The following RMND1 variants were observed in gnomAD, a reference collection of about 807,000 sequenced individuals.
RMND1 encodes the protein required for meiotic nuclear division protein 1 homolog.
In RMND1, 41 loss-of-function variants were observed where a neutral mutation model predicts 54.0. The observed-to-expected ratio is 0.76, with a 90% CI of 0.59 to 0.98. The LOEUF is 0.98. Ranked by LOEUF, RMND1 falls within the 50% of genes least tolerant of loss-of-function variation. The probability of loss-of-function intolerance (pLI) is 0.00; values close to 1 mark genes in which losing one functional copy is unlikely to be tolerated. For missense variants in RMND1, 457 were observed against 532.0 expected (o/e 0.86, Z 1.39); for synonymous variants, 183 against 181.7 (o/e 1.01, Z -0.06).
At chr6:151,418,771 T>C (rs922693823) in intron 9 of RMND1, among the ~76,000 whole-genome samples, 9 of 152,184 alleles carry the variant, frequency 5.9e-5, no homozygotes, top group Non-Finnish European at 5.9e-5. Context: ...AAGAAGTCTG[T>C]GCTTACTTTT....
chr6:151,421,378 C>T (rs1780146968), intron 8 of RMND1, 57 bp from the exon 9 acceptor site: 1 of 1,326,506 alleles, frequency 7.5e-7, no homozygotes, highest in South Asian at 1.3e-5. Flanking sequence ...TTCTAATAAG[C>T]ATTAGGTCAA....
chr6:151,438,724 CCT>C (rs762284919), intron 2 of RMND1, among the ~76,000 whole-genome samples: 5 of 152,040 alleles, frequency 3.3e-5, no homozygotes, highest in East Asian at 1.9e-4. Flanking sequence ...CCTGCCTCTC[CCT>C]GTTGTCTCAC....
intron 10 of RMND1, among the ~76,000 whole-genome samples, chr6:151,406,578 C>T (rs1562780413): frequency 6.6e-6 from 1 of 152,078 alleles, no homozygotes; most frequent in Admixed American, 6.6e-5. Flanking sequence ...TCTCGATCTC[C>T]TGACCTTGTG....
chr6:151,446,750 C>CA (rs1004624404), intron 1 of RMND1, among the ~76,000 whole-genome samples: 19 of 150,762 alleles, frequency 1.3e-4, no homozygotes, highest in Admixed American at 4.6e-4. Context: ...ACTAAAAATA[C>CA]AAAAAAAAAT....
chr6:151,411,079 C>T (rs1008720343), intron 10 of RMND1, among the ~76,000 whole-genome samples: 1 of 152,154 alleles, frequency 6.6e-6, no homozygotes, highest in Non-Finnish European at 1.5e-5. Context: ...AGTGCCTCAG[C>T]CCCTCAAGTA....
At chr6:151,410,232 T>G (rs529775020) in intron 10 of RMND1, among the ~76,000 whole-genome samples, 2 of 152,076 alleles carry the variant, frequency 1.3e-5, no homozygotes, top group East Asian at 3.9e-4. Context: ...TTTTTTTGTA[T>G]TTTTAGTAGA....
chr6:151,429,736 A>T (rs1780401494), intron 5 of RMND1, among the ~76,000 whole-genome samples: 1 of 152,214 alleles, frequency 6.6e-6, no homozygotes, highest in South Asian at 2.1e-4. Flanking sequence ...TGGTTGTATT[A>T]AACAAATCTT....
intron 6 of RMND1, among the ~76,000 whole-genome samples, chr6:151,427,167 G>A (rs879624519): frequency 6.6e-6 from 1 of 151,656 alleles, no homozygotes; most frequent in African/African-American, 2.4e-5. Context: ...TCACCAGGTC[G>A]AGATCCAGAC....
intron 10 of RMND1, chr6:151,411,323 TG>T (rs1434118181): frequency 4.6e-5 from 7 of 152,344 alleles, no homozygotes; most frequent in African/African-American, 1.7e-4. Flanking sequence ...GTGATATGTC[TG>T]GGTGACATTG....
intron 10 of RMND1, chr6:151,409,034 TTACTG>T (rs1218363886): frequency 1.3e-5 from 2 of 152,234 alleles, no homozygotes; most frequent in Non-Finnish European, 2.9e-5. Flanking sequence ...GTTTTAACAT[TTACTG>T]TACTACGCTG....
intron 5 of RMND1, among the ~76,000 whole-genome samples, chr6:151,429,795 A>G (rs1780403126): frequency 6.6e-6 from 1 of 152,214 alleles, no homozygotes; most frequent in Non-Finnish European, 1.5e-5. Flanking sequence ...AGTTCTAGAC[A>G]ACTTGACTTA....
Position 151,423,580 on chromosome 6 carries a change from A to G in RMND1, c.882T>C (p.Asp294=), listed in dbSNP as rs960612512. The part of the protein sequence containing the change: ...RGEIKLNSEL[D]LDDAILEKFA... Reference sequence around the variant, plus strand: ...ACTTCTCTAGAATGGCATCATCTAAATCCAGCTCTGAATTTAACTTGATTT... The same window carrying G: ...ACTTCTCTAGAATGGCATCATCTAAGTCCAGCTCTGAATTTAACTTGATTT... The change falls in exon 7 of 12, where the codon GAT becomes GAC. Residue 294 remains aspartate, a synonymous_variant. Transcript: ENST00000444024. The G allele has an allele frequency of 1.2e-6, 2 of 1,614,058 alleles. No homozygotes were observed. Among genetic ancestry groups the G allele is most frequent in the Non-Finnish European group, 1.7e-6 (2 of 1,179,956 alleles).
At chr6:151,429,359 T>TACCC (rs956939313) in intron 5 of RMND1, among the ~76,000 whole-genome samples, 4 of 152,194 alleles carry the variant, frequency 2.6e-5, no homozygotes, top group Admixed American at 2.6e-4. Context: ...GGCCTCAAGA[T>TACCC]ACCTGCCGGC....
intron 10 of RMND1, among the ~76,000 whole-genome samples, chr6:151,409,752 A>G (rs371867950): frequency 1.4e-4 from 22 of 152,182 alleles, no homozygotes; most frequent in African/African-American, 4.8e-4. Flanking sequence ...GATGAGAGAG[A>G]CATTTGAAAA....
intron 1 of RMND1, among the ~76,000 whole-genome samples, chr6:151,447,996 A>C (rs888261228): frequency 4.0e-5 from 6 of 151,706 alleles, no homozygotes; most frequent in African/African-American, 1.2e-4. Context: ...TTGTATTTTT[A>C]GTAGAGACGG....
chr6:151,447,899 C>T (rs920440226), intron 1 of RMND1, among the ~76,000 whole-genome samples: 2 of 151,378 alleles, frequency 1.3e-5, no homozygotes, highest in African/African-American at 2.4e-5. Flanking sequence ...CTGCAACCTC[C>T]GCCTCCCCGG....
intron 2 of RMND1, among the ~76,000 whole-genome samples, chr6:151,443,737 ATAAC>A (rs1368389801): frequency 6.6e-6 from 1 of 152,244 alleles, no homozygotes; most frequent in Admixed American, 6.5e-5. Flanking sequence ...AATCCATGAA[ATAAC>A]TAACTCCTTA....
chr6:151,442,727 A>G (rs976908126), intron 2 of RMND1, among the ~76,000 whole-genome samples: 2 of 149,412 alleles, frequency 1.3e-5, no homozygotes, highest in Admixed American at 1.3e-4. Context: ...TCTTTTAGAA[A>G]TGGGAGTCTT....
intron 10 of RMND1, among the ~76,000 whole-genome samples, chr6:151,413,149 ATC>A (rs976316397): frequency 5.3e-5 from 8 of 152,218 alleles, no homozygotes; most frequent in African/African-American, 1.9e-4. Context: ...TAGGAAGTGA[ATC>A]TCTGAGATGA....
Sources: gnomAD v4.1 joint callset for allele counts (sites outside exome capture counted in the v4.1 genomes callset) on GRCh38, gnomAD v4.1.1 for gene constraint, MANE v1.5 for transcripts, NCBI Gene and HGNC (gene_info 2026-07-23, HGNC 2026-07-21) for gene names.